The following PEX5L variants were observed in gnomAD, a reference collection of about 807,000 sequenced individuals.
The protein encoded by PEX5L is PEX5-related protein.
PEX5L carries 30 observed loss-of-function variants against 84.0 expected under a neutral mutation model. The observed-to-expected ratio is 0.36, with a 90% CI of 0.27 to 0.48. PEX5L has a LOEUF of 0.48. PEX5L is among the 20% of genes least tolerant of loss of function. The pLI is 0.99. For missense variants in PEX5L, 533 were observed against 754.6 expected (o/e 0.71, Z 3.44); for synonymous variants, 270 against 283.1 (o/e 0.95, Z 0.46).
intron 8 of PEX5L, among the ~76,000 whole-genome samples, chr3:179,830,594 C>G (rs1167593765): frequency 3.3e-5 from 5 of 152,158 alleles, no homozygotes; most frequent in Admixed American, 2.0e-4. Context: ...TTATACCCAC[C>G]AATGCCTCAA....
At chr3:180,024,373 T>TATATATATATATATATATATATAC (rs1396023654) in intron 1 of PEX5L, among the ~76,000 whole-genome samples, 38 of 78,958 alleles carry the variant, frequency 4.8e-4, no homozygotes, top group Middle Eastern at 5.3e-3. Context: ...TATATATATA[T>TATATATATATATATATATATATAC]ACACACACAA....
rs1450246574 is a variant in PEX5L, at chr3:179,796,795, A to C, written c.*5033T>G. On this transcript the variant is annotated 3_prime_UTR_variant, in exon 15 of 15. Coordinates refer to ENST00000467460, the MANE Select transcript of PEX5L (RefSeq NM_016559.3). ...CGTGAAATCACCTCATCACTCCCTA[A>C]ATATCAGTGTTTTTAGACCTGTTGA... 6.6e-6 allele frequency: 1 copy of C among 152,128 alleles called. No homozygotes were observed. Among genetic ancestry groups the C allele is most frequent in the Non-Finnish European group, 1.5e-5 (1 of 68,012 alleles). The allele number at this position is 152,128 out of a possible 1,614,324, so 9.4% of individuals were successfully genotyped here.
intron 2 of PEX5L, among the ~76,000 whole-genome samples, chr3:179,961,975 G>T (rs1328173095): frequency 7.5e-5 from 4 of 53,508 alleles, no homozygotes; most frequent in African/African-American, 2.0e-4. Context: ...AACCATCTGT[G>T]TCAACAGGGA....
intron 8 of PEX5L, among the ~76,000 whole-genome samples, chr3:179,843,202 C>T (rs939236605): frequency 2.6e-5 from 4 of 152,162 alleles, no homozygotes; most frequent in Non-Finnish European, 4.4e-5. Flanking sequence ...CAGATCATCA[C>T]GGCAGGACAG....
intron 1 of PEX5L, among the ~76,000 whole-genome samples, chr3:179,978,050 C>A (rs373040067): frequency 6.6e-6 from 1 of 152,202 alleles, no homozygotes; most frequent in East Asian, 1.9e-4. Flanking sequence ...GCATTTTAAA[C>A]TGTTTTGCCA....
At chr3:179,919,314 A>G (rs1768406183) in intron 2 of PEX5L, among the ~76,000 whole-genome samples, 1 of 152,202 alleles carries the variant, frequency 6.6e-6, no homozygotes, top group Non-Finnish European at 1.5e-5. Flanking sequence ...TCCCACTACC[A>G]CAGCAAGCAG....
chr3:179,847,079 G>GTATATATA (rs199601016), intron 8 of PEX5L, among the ~76,000 whole-genome samples: 12 of 106,524 alleles, frequency 1.1e-4, no homozygotes, highest in East Asian at 6.7e-4. Context: ...GTGTGTGTGT[G>GTATATATA]TGTATATATA....
In PEX5L at chr3:179,887,803, A is replaced by C; in HGVS notation, c.199-19T>G. ...TCACCAGCTGAGAACAAATGAACAGAGGTGTCAAAGGGCTTTGTTAAACTG... is the reference window on the plus strand; with the variant it reads ...TCACCAGCTGAGAACAAATGAACAGCGGTGTCAAAGGGCTTTGTTAAACTG... On this transcript the variant is annotated intron_variant, in intron 3 of 14. Transcript: ENST00000467460. The C allele has an allele frequency of 3.3e-6, 5 of 1,513,906 alleles. No homozygotes were observed. The highest frequency in any genetic ancestry group is 4.6e-6 in the Non-Finnish European group (5 of 1,089,336). The allele number at this position is 1,513,906 out of a possible 1,614,324, so 93.8% of individuals were successfully genotyped here.
chr3:179,915,083 A>G (rs1338922948), intron 2 of PEX5L, among the ~76,000 whole-genome samples: 1 of 152,250 alleles, frequency 6.6e-6, no homozygotes, highest in African/African-American at 2.4e-5. Context: ...GTGTGGAATA[A>G]GGAGACAAGG....
At chr3:179,933,156 C>T (rs1190466705) in intron 2 of PEX5L, among the ~76,000 whole-genome samples, 1 of 152,188 alleles carries the variant, frequency 6.6e-6, no homozygotes, top group Admixed American at 6.5e-5. Flanking sequence ...TAATGAATGA[C>T]CCCTGACTTT....
At chr3:179,965,966 A>G (rs1255671730) in intron 2 of PEX5L, among the ~76,000 whole-genome samples, 1 of 152,208 alleles carries the variant, frequency 6.6e-6, no homozygotes, top group Non-Finnish European at 1.5e-5. Flanking sequence ...TTGATGATAA[A>G]TAGTTTGCAG....
chr3:179,918,573 C>T (rs1332472448), intron 2 of PEX5L, among the ~76,000 whole-genome samples: 1 of 152,168 alleles, frequency 6.6e-6, no homozygotes, highest in Admixed American at 6.5e-5. Flanking sequence ...GCCTAAGTTT[C>T]AGTCCTAGTA....
chr3:179,888,883 G>A (rs923063621), intron 3 of PEX5L, among the ~76,000 whole-genome samples: 7 of 151,792 alleles, frequency 4.6e-5, no homozygotes, highest in African/African-American at 1.7e-4. Flanking sequence ...TCGCATCTCA[G>A]TATCCCAAAT....
At chr3:179,970,463 C>G (rs1524508) in intron 2 of PEX5L, among the ~76,000 whole-genome samples, 96,671 of 151,940 alleles carry the variant, frequency 0.64, 32,346 homozygotes, top group East Asian at 0.89. Flanking sequence ...CCTGTTTTAC[C>G]CAGGAGCAGG....
intron 1 of PEX5L, among the ~76,000 whole-genome samples, chr3:180,002,544 A>C (rs1218535831): frequency 2.6e-5 from 4 of 151,988 alleles, no homozygotes; most frequent in Non-Finnish European, 5.9e-5. Flanking sequence ...TATTATCCCC[A>C]GTTGTAAATT....
Position 179,956,604 on chromosome 3 carries a change from TTTAG to T in PEX5L, c.93+14986_93+14989del, listed in dbSNP as rs143303156. Among the ~76,000 whole-genome samples the T allele has an allele frequency of 5.7e-3, 870 of 152,322 alleles. 7 individuals are homozygous for T. The highest frequency in any genetic ancestry group is 0.02 in the African/African-American group (828 of 41,580). On this transcript the variant is annotated intron_variant, in intron 2 of 14. Coordinates refer to ENST00000467460, the MANE Select transcript of PEX5L (RefSeq NM_016559.3). ...TAAGTTTCATGTGGCTGTAAAAATA[TTTAG>T]TTAGTTTCTTTTCTCAGCTAACTTA...
At chr3:179,859,625 CT>C (rs1745292731) in intron 7 of PEX5L, among the ~76,000 whole-genome samples, 1 of 152,202 alleles carries the variant, frequency 6.6e-6, no homozygotes, top group South Asian at 2.1e-4. Flanking sequence ...GCTTCCAGGC[CT>C]TTCTCCGTAT....
rs1254163381 is a variant in PEX5L, at chr3:179,821,845, T to C, written c.823-1869A>G. Among the ~76,000 whole-genome samples, 4 of 152,354 alleles carry C rather than the reference T, an allele frequency of 2.6e-5. No individual in the cohort carries two copies. In the East Asian group the frequency reaches 7.7e-4, roughly 29 times the overall value. On this transcript the variant is annotated intron_variant, in intron 8 of 14. Transcript: ENST00000467460. ...AAGACTAGGAAGAAATATGCCACCA[T>C]GTTAATAGAAATGTGCCTTTGAATG...
At chr3:179,918,749 C>CT (rs1398039335) in intron 2 of PEX5L, among the ~76,000 whole-genome samples, 2 of 152,124 alleles carry the variant, frequency 1.3e-5, no homozygotes, top group African/African-American at 2.4e-5. Flanking sequence ...CTTCTTTCTT[C>CT]TTTTTTTCTT....
Sources: gnomAD v4.1 joint callset for allele counts (sites outside exome capture counted in the v4.1 genomes callset) on GRCh38, gnomAD v4.1.1 for gene constraint, MANE v1.5 for transcripts, NCBI Gene and HGNC (gene_info 2026-07-23, HGNC 2026-07-21) for gene names.